Variants in MAGI1 observed in about 807,000 individuals in gnomAD.
MAGI1 encodes membrane associated guanylate kinase, WW and PDZ domain containing 1, also known as membrane-associated guanylate kinase, WW and PDZ domain-containing protein 1.
MAGI1 carries 58 observed loss-of-function variants against 139.9 expected under a neutral mutation model. That is an observed-to-expected ratio of 0.41 (90% CI 0.34 to 0.52). The LOEUF (loss-of-function observed/expected upper bound fraction) is 0.52. Among genes scored for constraint, MAGI1 ranks in the 20% least tolerant of loss-of-function variants. The probability of loss-of-function intolerance (pLI) is 0.12; values close to 1 mark genes in which losing one functional copy is unlikely to be tolerated. For synonymous variants in MAGI1, 812 were observed against 737.9 expected (o/e 1.10, Z -1.63); for missense variants, 1,874 against 1,901.6 (o/e 0.99, Z 0.27).
At chr3:65,595,636 T>A (rs974965413) in intron 2 of MAGI1, among the ~76,000 whole-genome samples, 4 of 152,100 alleles carry the variant, frequency 2.6e-5, no homozygotes, top group Non-Finnish European at 4.4e-5. Flanking sequence ...AGAGCCATAA[T>A]TGAGTAAAAA....
intron 1 of MAGI1, among the ~76,000 whole-genome samples, chr3:65,709,400 G>C (rs1262681890): frequency 6.6e-6 from 1 of 152,148 alleles, no homozygotes; most frequent in Non-Finnish European, 1.5e-5. Flanking sequence ...CTTTTGTCAA[G>C]TCTCTGTCAT....
At chr3:65,907,057 A>G (rs74742757) in intron 1 of MAGI1, among the ~76,000 whole-genome samples, 1 of 85,712 alleles carries the variant, frequency 1.2e-5, no homozygotes, top group African/African-American at 4.0e-5. Flanking sequence ...CTTGTTTACA[A>G]AAAAAAAAAA....
intron 12 of MAGI1, among the ~76,000 whole-genome samples, chr3:65,422,202 G>A (rs1946676750): frequency 6.6e-6 from 1 of 152,164 alleles, no homozygotes; most frequent in South Asian, 2.1e-4. Flanking sequence ...GCGGACAGAT[G>A]GACTGAGAAA....
rs375913928 is a variant in MAGI1 at position 65,919,383 on chromosome 3, G to A, written c.313+118613C>T. Among the ~76,000 whole-genome samples the A allele has an allele frequency of 1.8e-4, 28 of 152,028 alleles. No homozygotes were observed. In the East Asian group the frequency reaches 5.0e-3, roughly 27 times the overall value. On this transcript the variant is annotated intron_variant, in intron 1 of 22. Coordinates refer to ENST00000402939, the MANE Select transcript of MAGI1 (RefSeq NM_001033057.2). ...TTTGAGACCAGCCTGGGCAACACAG[G>A]GAGACCCCATCTCTACAAAAAAATT...
chr3:65,531,795 T>C (rs1477145632), intron 2 of MAGI1, among the ~76,000 whole-genome samples: 2 of 152,170 alleles, frequency 1.3e-5, no homozygotes, highest in African/African-American at 2.4e-5. Context: ...AGTTTCCCCA[T>C]CCATAAAATG....
intron 2 of MAGI1, among the ~76,000 whole-genome samples, chr3:65,599,415 G>A (rs2082378638): frequency 6.6e-6 from 1 of 152,094 alleles, no homozygotes; most frequent in Admixed American, 6.5e-5. Context: ...AAAAATCCAG[G>A]GTGTGGAAGG....
At chr3:65,621,820 T>C (rs2083684311) in intron 2 of MAGI1, 152 bp downstream of exon 2, 2 of 604,958 alleles carry the variant, frequency 3.3e-6, no homozygotes, top group South Asian at 4.1e-5. Context: ...ACACTGTTAT[T>C]GAATTATGAT....
intron 1 of MAGI1, among the ~76,000 whole-genome samples, chr3:65,841,574 A>G (rs1207007428): frequency 6.6e-6 from 1 of 150,946 alleles, no homozygotes; most frequent in East Asian, 1.9e-4. Context: ...ATTACAGGTG[A>G]CCGCCACCAC....
intron 18 of MAGI1, among the ~76,000 whole-genome samples, chr3:65,367,420 T>C (rs1941536241): frequency 6.6e-6 from 1 of 152,202 alleles, no homozygotes. Flanking sequence ...TCTGTGAAAC[T>C]CTTTTTTGGG....
intron 1 of MAGI1, among the ~76,000 whole-genome samples, chr3:65,804,202 A>C (rs890394858): frequency 6.6e-6 from 1 of 152,158 alleles, no homozygotes; most frequent in South Asian, 2.1e-4. Flanking sequence ...CCTGCGTGGC[A>C]CAAGCCACAA....
chr3:65,889,032 T>C (rs191873130), intron 1 of MAGI1, among the ~76,000 whole-genome samples: 2 of 152,346 alleles, frequency 1.3e-5, no homozygotes, highest in East Asian at 3.9e-4. Context: ...ATGACCTCTA[T>C]AGGCTAGTAC....
chr3:65,389,953 C>G (rs3772191), intron 14 of MAGI1, among the ~76,000 whole-genome samples: 1 of 152,226 alleles, frequency 6.6e-6, no homozygotes, highest in Admixed American at 6.5e-5. Context: ...TGCCCCCCAA[C>G]TGCTGAGCAT....
intron 1 of MAGI1, among the ~76,000 whole-genome samples, chr3:65,888,099 G>A (rs184025688): frequency 2.4e-4 from 36 of 152,230 alleles, no homozygotes; most frequent in African/African-American, 7.2e-4. Flanking sequence ...GTTGATTAGC[G>A]AAATTACCTT....
intron 2 of MAGI1, among the ~76,000 whole-genome samples, chr3:65,562,927 T>C (rs530370790): frequency 1.3e-5 from 2 of 152,328 alleles, no homozygotes; most frequent in East Asian, 3.9e-4. Context: ...GGTTCCCTGT[T>C]TGGGATCTGT....
chr3:65,991,448 A>T (rs116224465), intron 1 of MAGI1, among the ~76,000 whole-genome samples: 74 of 152,256 alleles, frequency 4.9e-4, no homozygotes, highest in African/African-American at 1.7e-3. Context: ...TGGTACTATG[A>T]AAGTGTTCCT....
At chr3:65,772,171 G>A (rs1483212207) in intron 1 of MAGI1, among the ~76,000 whole-genome samples, 1 of 152,204 alleles carries the variant, frequency 6.6e-6, no homozygotes, top group South Asian at 2.1e-4. Context: ...ACTCCAGCTT[G>A]AGCGACAGAG....
intron 1 of MAGI1, among the ~76,000 whole-genome samples, chr3:65,890,084 G>A (rs866394673): frequency 5.3e-5 from 8 of 151,138 alleles, no homozygotes; most frequent in African/African-American, 1.5e-4. Flanking sequence ...ATGATATGCC[G>A]GCCAGTCGCG....
intron 1 of MAGI1, among the ~76,000 whole-genome samples, chr3:65,913,435 C>A (rs753500467): frequency 6.6e-6 from 1 of 152,074 alleles, no homozygotes; most frequent in Non-Finnish European, 1.5e-5. Flanking sequence ...GTAATTTCTA[C>A]CTAAATTCTG....
At chr3:65,508,356 A>G (rs1198325620) in intron 2 of MAGI1, among the ~76,000 whole-genome samples, 2 of 152,118 alleles carry the variant, frequency 1.3e-5, no homozygotes, top group Non-Finnish European at 2.9e-5. Flanking sequence ...GTGAGCCGAG[A>G]TTGCGCCACT....
Sources: allele counts gnomAD v4.1 joint callset (sites outside exome capture counted in the v4.1 genomes callset), GRCh38; gene constraint gnomAD v4.1.1; transcripts MANE v1.5; gene names NCBI Gene and HGNC (gene_info 2026-07-23, HGNC 2026-07-21).